Variants in GSDMB observed in about 807,000 individuals in gnomAD.
GSDMB encodes the protein gasdermin-B.
GSDMB carries 32 observed loss-of-function variants against 42.9 expected under a neutral mutation model. The ratio of observed to expected loss-of-function variants is 0.75; its 90% CI spans 0.56 to 1.00. The LOEUF (loss-of-function observed/expected upper bound fraction) is 1.00. Ranked by LOEUF, GSDMB falls within the 50% of genes least tolerant of loss-of-function variation. The pLI is 0.00. For synonymous variants in GSDMB, 175 were observed against 193.7 expected (o/e 0.90, Z 0.80); for missense variants, 468 against 498.5 (o/e 0.94, Z 0.58).
intron 5 of GSDMB, among the ~76,000 whole-genome samples, chr17:39,908,517 T>A (rs1270691195): frequency 6.6e-6 from 1 of 152,028 alleles, no homozygotes; most frequent in Non-Finnish European, 1.5e-5. Context: ...GTAGCTGGGA[T>A]TACAGGCGCA....
rs1436577544 is a variant in GSDMB at position 39,905,889 on chromosome 17, C to T, written c.985G>A (p.Ala329Thr). 2 of 1,614,118 alleles carry T rather than the reference C, an allele frequency of 1.2e-6. No individual in the cohort carries two copies. The highest frequency in any genetic ancestry group is 8.5e-7 in the Non-Finnish European group (1 of 1,179,998). Residue 329 changes from alanine (A) to threonine (T), a missense_variant, in exon 9 of 11, where the codon GCG becomes ACG. Coordinates refer to ENST00000418519, the MANE Select transcript of GSDMB (RefSeq NM_001165958.2). Reference sequence around the variant, plus strand: ...AAGTCCAGAATGGCTTTTGCACGCGCTTCTACCAAGACCCCAGCAGCATTA... The same window carrying T: ...AAGTCCAGAATGGCTTTTGCACGCGTTTCTACCAAGACCCCAGCAGCATTA... ...LFNAAGVLVE[A>T]RAKAILDFLD...
intron 1 of GSDMB, chr17:39,917,586 CG>C (rs57377955): frequency 0.55 from 221,211 of 405,808 alleles, 63,234 homozygotes; most frequent in African/African-American, 0.75. Flanking sequence ...ATAGTCTCCC[CG>C]CCGCCGCCCT....
In GSDMB at chr17:39,917,320, G is replaced by T; in HGVS notation, c.-4C>A. The T allele has an allele frequency of 6.3e-7, 1 of 1,583,650 alleles. No homozygotes were observed. The highest frequency in any genetic ancestry group is 8.7e-7 in the Non-Finnish European group (1 of 1,152,234). On this transcript the variant is annotated 5_prime_UTR_variant, in exon 2 of 11. Transcript: ENST00000418519. ...TTTCCTCAAATACGCTGAACATTGC[G>T]CCTGGACCAACTCAGAAACAGAAGC...
chr17:39,912,319 A>G lies in GSDMB; in HGVS notation c.407+7T>C, dbSNP rs373244890. On this transcript the variant is annotated splice_region_variant and intron_variant, in intron 3 of 10. Coordinates refer to ENST00000418519, the MANE Select transcript of GSDMB (RefSeq NM_001165958.2). ...CCTCCTTCCCTGCTGCCCAACTCCA[A>G]CCTCACCTGTTTTCAAGGGTAGCCA... 20 of 1,611,506 alleles carry G rather than the reference A, an allele frequency of 1.2e-5. No individual in the cohort carries two copies. The highest frequency in any genetic ancestry group is 1.7e-5 in the Admixed American group (1 of 59,902).
At chr17:39,906,512 C>G in intron 7 of GSDMB, 1 of 1,332,374 alleles carries the variant, frequency 7.5e-7, no homozygotes, top group Non-Finnish European at 9.7e-7. Flanking sequence ...ACCCCAAATT[C>G]TTCTCCACTT....
At chr17:39,908,542 G>C (rs1289042775) in intron 5 of GSDMB, among the ~76,000 whole-genome samples, 1 of 151,754 alleles carries the variant, frequency 6.6e-6, no homozygotes, top group African/African-American at 2.4e-5. Context: ...ACCACACCCA[G>C]CTAATATTTA....
At position 39,917,253 on chromosome 17, in the gene GSDMB, T is replaced by C. The variant is rs908675662; in HGVS notation, c.64A>G (p.Met22Val). 1.2e-6 allele frequency: 2 copies of C among 1,614,046 alleles called. No individual in the cohort carries two copies. Among genetic ancestry groups the C allele is most frequent in the African/African-American group, 1.3e-5 (1 of 75,056 alleles). The change falls in exon 2 of 11, where the codon ATG (methionine) becomes GTG (valine). Residue 22 changes from methionine (M) to valine (V), a missense_variant. Physicochemically the swap from Met to Val is conservative, Grantham distance 21. Transcript: ENST00000418519. ...VVKEMDAGGD[M>V]IAVRSLVDAD... ...TCAACAAGGCTTCTAACGGCAATCA[T>C]ATCCCCTCCAGCATCCATCTCCTTA...
At chr17:39,917,057 C>A in intron 2 of GSDMB, 25 bp downstream of exon 2, 1 of 1,516,886 alleles carries the variant, frequency 6.6e-7, no homozygotes, top group South Asian at 1.1e-5. Context: ...CCTGGCTGGC[C>A]ACCTGTCATC....
chr17:39,909,730 C>T (rs201596166), intron 4 of GSDMB, 26 bp downstream of exon 4: 52 of 1,607,408 alleles, frequency 3.2e-5, no homozygotes, highest in Non-Finnish European at 4.0e-5. Context: ...CTGGCCTCCA[C>T]AGTCCCTGCC....
chr17:39,912,921 T>A (rs962360737), intron 2 of GSDMB, among the ~76,000 whole-genome samples: 2 of 150,754 alleles, frequency 1.3e-5, no homozygotes, highest in Non-Finnish European at 3.0e-5. Flanking sequence ...GCCTGGCCAA[T>A]ATGGTGAAAC....
Position 39,906,980 on chromosome 17 carries a change from A to C in GSDMB, c.708T>G (p.Asp236Glu), listed in dbSNP as rs199540130. The change falls in exon 7 of 11, where the codon GAT becomes GAG. Residue 236 changes from aspartate (D) to glutamate (E), a missense_variant. Coordinates refer to ENST00000418519, the MANE Select transcript of GSDMB (RefSeq NM_001165958.2). ...CCTTACCTAAACAGGATGAAGCACC[A>C]TCCTTCTCTGCAGAGAGAGGAAGAG... ...GKTKSFPEEK[D>E]GASSCLGKSL... 1.2e-4 allele frequency: 198 copies of C among 1,614,022 alleles called. No homozygotes were observed. The African/African-American group carries it at 2.2e-3, about 18-fold the overall frequency.
At chr17:39,910,117 G>A (rs891298090) in intron 3 of GSDMB, among the ~76,000 whole-genome samples, 193 bp from the exon 4 acceptor site, 1 of 152,042 alleles carries the variant, frequency 6.6e-6, no homozygotes, top group Non-Finnish European at 1.5e-5. Context: ...TACAAAGTAG[G>A]GTGAGAGGCC....
chr17:39,914,515 A>G (rs926224422), intron 2 of GSDMB, among the ~76,000 whole-genome samples: 1 of 152,182 alleles, frequency 6.6e-6, no homozygotes, highest in African/African-American at 2.4e-5. Context: ...TAATCCCAGC[A>G]CTTTGGGAGG....
rs760771501 is a variant in GSDMB, at chr17:39,904,966, T to C, written c.1099-2A>G. On this transcript the variant is annotated splice_acceptor_variant, in intron 10 of 10. Coordinates refer to ENST00000418519, the MANE Select transcript of GSDMB (RefSeq NM_001165958.2). LOFTEE classifies it high-confidence loss of function. The stretch of plus-strand genomic sequence containing the variant: ...GTTCTGCTCCATGACAGATTTCACC[T>C]GGAAGGAAACCCCCCAGATTGTAAC... The C allele has an allele frequency of 3.1e-6, 5 of 1,612,894 alleles. No homozygotes were observed. In the African/African-American group the frequency reaches 6.7e-5, roughly 22 times the overall value.
chr17:39,905,025 T>C (rs752852261), intron 10 of GSDMB, 61 bp from the exon 11 acceptor site: 230 of 1,437,806 alleles, frequency 1.6e-4, no homozygotes, highest in Admixed American at 2.6e-4. Flanking sequence ...AAATGGCAAA[T>C]ATTTGGCCAC....
At chr17:39,916,203 T>C (rs964366996) in intron 2 of GSDMB, among the ~76,000 whole-genome samples, 3 of 151,914 alleles carry the variant, frequency 2.0e-5, no homozygotes, top group Non-Finnish European at 2.9e-5. Flanking sequence ...ACCACCGACC[T>C]GGGAGATAAC....
In GSDMB at chr17:39,906,769, G is replaced by C. The variant is rs2063512339; in HGVS notation, c.727+192C>G. On this transcript the variant is annotated intron_variant, in intron 7 of 10. Coordinates refer to ENST00000418519, the MANE Select transcript of GSDMB (RefSeq NM_001165958.2). ...TTAAAGTTTCCTGGTGTGATTTTGGGGTATAACCAATGAGAACCACTGTGT... is the reference window on the plus strand; with the variant it reads ...TTAAAGTTTCCTGGTGTGATTTTGGCGTATAACCAATGAGAACCACTGTGT... The C allele has an allele frequency of 2.9e-6, 4 of 1,383,404 alleles. No homozygotes were observed. In the Admixed American group the frequency reaches 1.2e-4, roughly 42 times the overall value. 85.7% of individuals were successfully genotyped at this position (1,383,404 alleles called of 1,614,324 possible).
chr17:39,914,756 C>T (rs1160163493), intron 2 of GSDMB, among the ~76,000 whole-genome samples: 1 of 79,654 alleles, frequency 1.3e-5, no homozygotes, highest in African/African-American at 7.5e-5. Context: ...AGCGACACTC[C>T]ATCTCAAAAA....
rs2063515164 is a variant in GSDMB at position 39,906,946 on chromosome 17, G to T, written c.727+15C>A. On this transcript the variant is annotated intron_variant, in intron 7 of 10. Transcript: ENST00000418519. ...TGGTGCAGCCACCCTGAACACACTT[G>T]GCTATCACCCTTACCTAAACAGGAT... 1 of 1,613,900 alleles carries T rather than the reference G, an allele frequency of 6.2e-7. No homozygotes were observed. Among genetic ancestry groups the T allele is most frequent in the South Asian group, 1.1e-5 (1 of 91,032 alleles).
Sources: allele counts gnomAD v4.1 joint callset (sites outside exome capture counted in the v4.1 genomes callset), GRCh38; gene constraint gnomAD v4.1.1; transcripts MANE v1.5; gene names NCBI Gene and HGNC (gene_info 2026-07-23, HGNC 2026-07-21).